SFXN5: variants seen among roughly 807,000 people sequenced by gnomAD.
SFXN5 encodes the protein sideroflexin 5.
Under a neutral mutation model 50.2 loss-of-function variants are expected in SFXN5, and 43 were observed. The observed-to-expected ratio is 0.86, with a 90% CI of 0.67 to 1.11. The LOEUF (loss-of-function observed/expected upper bound fraction) is 1.11. Ranked by LOEUF, SFXN5 falls within the 50% of genes least tolerant of loss-of-function variation. SFXN5 has a pLI of 0.00. For missense variants in SFXN5, 463 were observed against 454.1 expected (o/e 1.02, Z -0.18); for synonymous variants, 203 against 185.8 (o/e 1.09, Z -0.75).
chr2:73,013,261 T>C (rs1675758471), intron 6 of SFXN5, among the ~76,000 whole-genome samples: 1 of 152,020 alleles, frequency 6.6e-6, no homozygotes, highest in South Asian at 2.1e-4. Flanking sequence ...AAAAGAGATG[T>C]GTAATACAAA....
At chr2:72,965,651 G>T (rs1053779499) in intron 12 of SFXN5, among the ~76,000 whole-genome samples, 3 of 152,138 alleles carry the variant, frequency 2.0e-5, no homozygotes, top group Admixed American at 6.5e-5. Flanking sequence ...GGCAGAGCCC[G>T]GAAGAAGCAA....
chr2:72,986,201 T>G (rs2105559225), intron 10 of SFXN5, among the ~76,000 whole-genome samples: 1 of 152,354 alleles, frequency 6.6e-6, no homozygotes, highest in Non-Finnish European at 1.5e-5. Flanking sequence ...GGAGTTGCTA[T>G]AGCAATTATC....
At chr2:72,978,651 C>G (rs775588621) in intron 10 of SFXN5, among the ~76,000 whole-genome samples, 1 of 151,960 alleles carries the variant, frequency 6.6e-6, no homozygotes, top group Non-Finnish European at 1.5e-5. Flanking sequence ...AACAAAAATT[C>G]AGACCCTGCA....
At chr2:73,051,276 T>TTTTTTGA (rs1681285952) in intron 2 of SFXN5, among the ~76,000 whole-genome samples, 1 of 150,460 alleles carries the variant, frequency 6.6e-6, no homozygotes, top group East Asian at 2.0e-4. Context: ...TTTTTTTTTT[T>TTTTTTGA]GAGACGGAGT....
At chr2:72,993,981 G>T (rs544320637) in intron 9 of SFXN5, among the ~76,000 whole-genome samples, 1 of 152,166 alleles carries the variant, frequency 6.6e-6, no homozygotes, top group African/African-American at 2.4e-5. Context: ...ATGTCTCCCA[G>T]TCCCCACTGC....
intron 12 of SFXN5, 77 bp downstream of exon 12, chr2:72,968,371 C>T: frequency 7.1e-7 from 1 of 1,412,500 alleles, no homozygotes; most frequent in Admixed American, 1.9e-5. Context: ...TCATCTCTTG[C>T]CTGGGCCAGC....
chr2:73,071,705 T>TGGCCAC lies in SFXN5; in HGVS notation c.-6_-1dup, dbSNP rs765003076. ...GATGCTGTAGTCGCTGTATCCGCCA[T>TGGCCAC]GGCCACTGACGCCCGCAATCTCCGG... On this transcript the variant is annotated 5_prime_UTR_variant, in exon 1 of 14. Coordinates refer to ENST00000272433, the MANE Select transcript of SFXN5 (RefSeq NM_144579.3). 3 of 1,612,298 alleles carry TGGCCAC rather than the reference T, an allele frequency of 1.9e-6. No homozygotes were observed. In the South Asian group the frequency reaches 3.3e-5, roughly 18 times the overall value.
At chr2:73,069,942 C>G (rs976863053) in intron 1 of SFXN5, among the ~76,000 whole-genome samples, 12 of 152,190 alleles carry the variant, frequency 7.9e-5, no homozygotes, top group Admixed American at 6.5e-4. Flanking sequence ...TGCAAAAGGC[C>G]TACAGGGGGT....
chr2:72,995,119 C>T (rs1673058043), intron 9 of SFXN5, among the ~76,000 whole-genome samples: 1 of 152,142 alleles, frequency 6.6e-6, no homozygotes, highest in South Asian at 2.1e-4. Context: ...GCCCCCAGCA[C>T]CTGCAAAGTA....
rs781345817 is a variant in SFXN5 at position 73,040,876 on chromosome 2, C to T, written c.227G>A (p.Arg76His). Reference sequence around the variant, plus strand: ...TACCTGTTCATTGGTGACCCCCGGGCGCAGGGTCCCATGCTTATAGTCCTC... The same window carrying T: ...TACCTGTTCATTGGTGACCCCCGGGTGCAGGGTCCCATGCTTATAGTCCTC... ...LLEDYKHGTL[R>H]PGVTNEQLWS... The change falls in exon 3 of 14, where the codon CGC (arginine) becomes CAC (histidine). Residue 76 changes from arginine (R) to histidine (H), a missense_variant. Arg to His is a conservative substitution (Grantham distance 29). Coordinates refer to ENST00000272433, the MANE Select transcript of SFXN5 (RefSeq NM_144579.3). 3.1e-6 allele frequency: 5 copies of T among 1,612,794 alleles called. No homozygotes were observed. The highest frequency in any genetic ancestry group is 1.7e-4 in the Middle Eastern group (1 of 6,058).
At chr2:73,057,801 T>C (rs893932092) in intron 2 of SFXN5, among the ~76,000 whole-genome samples, 1 of 152,166 alleles carries the variant, frequency 6.6e-6, no homozygotes, top group Non-Finnish European at 1.5e-5. Flanking sequence ...TGAGATCTGA[T>C]GGTTTGTAAG....
At chr2:73,018,986 G>A (rs1314260440) in intron 6 of SFXN5, among the ~76,000 whole-genome samples, 1 of 152,166 alleles carries the variant, frequency 6.6e-6, no homozygotes, top group Non-Finnish European at 1.5e-5. Flanking sequence ...GTACAAGTAT[G>A]TTCAAAACAG....
Position 72,974,663 on chromosome 2 carries a change from A to G in SFXN5, c.626-2978T>C, listed in dbSNP as rs543438116. On this transcript the variant is annotated intron_variant, in intron 10 of 13. Transcript: ENST00000272433. ...GCACCTGCCGTATGCAGAGGCTACC[A>G]GCCATCCATGCCCTTGGGCAGTGGG... Among the ~76,000 whole-genome samples, 3 of 152,306 alleles carry G rather than the reference A, an allele frequency of 2.0e-5. No individual in the cohort carries two copies. In the East Asian group the frequency reaches 5.8e-4, roughly 29 times the overall value.
intron 6 of SFXN5, among the ~76,000 whole-genome samples, chr2:73,003,293 G>C (rs11900251): frequency 6.6e-6 from 1 of 152,096 alleles, no homozygotes; most frequent in African/African-American, 2.4e-5. Context: ...TACTGAACAC[G>C]GTGTCTTATG....
At chr2:73,071,363 G>A in intron 1 of SFXN5, 1 of 512,388 alleles carries the variant, frequency 2.0e-6, no homozygotes. Context: ...AAGGCTAGAG[G>A]GCGCGGGCAG....
chr2:72,989,327 A>G (rs1326410159), intron 9 of SFXN5, among the ~76,000 whole-genome samples: 1 of 152,142 alleles, frequency 6.6e-6, no homozygotes, highest in East Asian at 1.9e-4. Context: ...GTCACTTACT[A>G]GCAGTGGGAC....
chr2:73,067,374 G>A (rs2106071900), intron 1 of SFXN5, among the ~76,000 whole-genome samples: 1 of 152,280 alleles, frequency 6.6e-6, no homozygotes, highest in Middle Eastern at 3.4e-3. Flanking sequence ...GGGACAGAAA[G>A]GAGACATTAG....
chr2:73,013,875 A>G (rs1675841485), intron 6 of SFXN5, among the ~76,000 whole-genome samples: 1 of 152,126 alleles, frequency 6.6e-6, no homozygotes, highest in Non-Finnish European at 1.5e-5. Context: ...TTCTCTCCCC[A>G]GAGGTAAACA....
chr2:72,948,687 T>C (rs1238551993), intron 13 of SFXN5, among the ~76,000 whole-genome samples: 2 of 152,126 alleles, frequency 1.3e-5, no homozygotes, highest in Non-Finnish European at 2.9e-5. Context: ...CCGTCTCCCA[T>C]GGGCTCCCCG....
Sources: gnomAD v4.1 joint callset for allele counts (sites outside exome capture counted in the v4.1 genomes callset) on GRCh38, gnomAD v4.1.1 for gene constraint, MANE v1.5 for transcripts, NCBI Gene and HGNC (gene_info 2026-07-23, HGNC 2026-07-21) for gene names.